Variants in ARAP1 observed in about 807,000 individuals in gnomAD.
ARAP1 encodes arf-GAP with Rho-GAP domain, ANK repeat and PH domain-containing protein 1.
In ARAP1, 76 loss-of-function variants were observed where a neutral mutation model predicts 172.2. That is an observed-to-expected ratio of 0.44 (90% CI 0.37 to 0.53). The LOEUF is 0.53. ARAP1 is among the 20% of genes least tolerant of loss of function. The pLI is 0.00. For missense variants in ARAP1, 1,686 were observed against 1,977.5 expected, an observed-to-expected ratio of 0.85 and a Z score of 2.80; for synonymous variants, 804 against 803.3, an observed-to-expected ratio of 1.00 and a Z score of -0.01.
chr11:72,713,399 T>G (rs1857123698), intron 4 of ARAP1, among the ~76,000 whole-genome samples, 156 bp from the exon 5 acceptor site: 1 of 152,036 alleles, frequency 6.6e-6, no homozygotes, highest in African/African-American at 2.4e-5. Flanking sequence ...GGAAGTGCGA[T>G]TTATACCCCC....
intron 13 of ARAP1, 53 bp downstream of exon 13, chr11:72,705,752 G>C (rs372446191): frequency 6.3e-7 from 1 of 1,590,354 alleles, no homozygotes; most frequent in Non-Finnish European, 8.6e-7. Context: ...GACCCAGACA[G>C]CTGTTGAATG....
At chr11:72,706,872 AG>A (rs945119688) in intron 12 of ARAP1, among the ~76,000 whole-genome samples, 9 of 152,116 alleles carry the variant, frequency 5.9e-5, no homozygotes, top group African/African-American at 1.7e-4. Flanking sequence ...CTGACATGAG[AG>A]GAACACCAGA....
intron 1 of ARAP1, among the ~76,000 whole-genome samples, chr11:72,746,950 G>A (rs1217898355): frequency 1.3e-5 from 2 of 152,226 alleles, no homozygotes; most frequent in Non-Finnish European, 2.9e-5. Context: ...GATGCCCAGG[G>A]TGGGGCAGTG....
At position 72,693,288 on chromosome 11, in the gene ARAP1, T is replaced by C. The variant is rs751583409; in HGVS notation, c.3954+37A>G. 4 of 1,606,390 alleles carry C rather than the reference T, an allele frequency of 2.5e-6. No homozygotes were observed. Among genetic ancestry groups the C allele is most frequent in the Middle Eastern group, 1.7e-4 (1 of 6,028 alleles). The stretch of plus-strand genomic sequence containing the variant: ...CTCTGAGCACATTCAGGTGTACAGG[T>C]GCCCACCCTGGGGCAGAACCCAGCG... On this transcript the variant is annotated intron_variant, in intron 29 of 34. Coordinates refer to ENST00000393609, the MANE Select transcript of ARAP1 (RefSeq NM_001040118.3). The surrounding 1 kb of genome is among the most constrained non-coding windows in gnomAD (Gnocchi z 4.6).
chr11:72,741,877 C>G lies in ARAP1; in HGVS notation c.-127-9280G>C, dbSNP rs1284130710. Among the ~76,000 whole-genome samples the G allele has an allele frequency of 1.3e-5, 2 of 152,132 alleles. No homozygotes were observed. The highest frequency in any genetic ancestry group is 2.9e-5 in the Non-Finnish European group (2 of 68,008). On this transcript the variant is annotated intron_variant, in intron 1 of 34. Coordinates refer to ENST00000393609, the MANE Select transcript of ARAP1 (RefSeq NM_001040118.3). This position sits in a 1 kb window ranked among gnomAD's most constrained non-coding sequence, Gnocchi z 4.5. Reference sequence around the variant, plus strand: ...CTCACTGGAAACCTAAAGCTCCTGCCCACCAAGGAGGAGGGACTTGGTGGG... The same window carrying G: ...CTCACTGGAAACCTAAAGCTCCTGCGCACCAAGGAGGAGGGACTTGGTGGG...
Position 72,707,275 on chromosome 11 carries a change from G to T in ARAP1, c.1623C>A (p.Ile541=). The T allele has an allele frequency of 6.2e-7, 1 of 1,613,556 alleles. No homozygotes were observed. The highest frequency in any genetic ancestry group is 8.5e-7 in the Non-Finnish European group (1 of 1,179,812). The change falls in exon 12 of 35, where the codon ATC becomes ATA. Residue 541 remains isoleucine, a synonymous_variant. Transcript: ENST00000393609. ...AGAACCTGTTGGGGGCTGCAGCCCA[G>T]ATGCGCTCGGCCACCTCCGAGGTAG... ...ALSTSEVAER[I]WAAAPNRFCA...
chr11:72,704,035 C>T, intron 14 of ARAP1, 117 bp downstream of exon 14: 2 of 1,363,548 alleles, frequency 1.5e-6, no homozygotes, highest in Middle Eastern at 4.3e-4. Flanking sequence ...TCAGTTTCCC[C>T]ATATGCCAAG....
chr11:72,694,891 T>C (rs1007208288), intron 27 of ARAP1, 89 bp downstream of exon 27: 2 of 1,121,234 alleles, frequency 1.8e-6, no homozygotes. Context: ...CCACCCATCC[T>C]CATGTGCAGG....
At chr11:72,708,388 C>G (rs959332903) in intron 11 of ARAP1, 3 of 152,310 alleles carry the variant, frequency 2.0e-5, no homozygotes, top group African/African-American at 7.2e-5. Flanking sequence ...GTGTAGAACA[C>G]TAAGTCTACC....
chr11:72,698,248 T>G (rs1291798784), intron 18 of ARAP1, 142 bp from the exon 19 acceptor site: 2 of 1,043,002 alleles, frequency 1.9e-6, no homozygotes, highest in African/African-American at 1.6e-5. Context: ...CCAAGCCCAG[T>G]GATGGAACTT....
chr11:72,724,267 A>G (rs1469711048), intron 3 of ARAP1, among the ~76,000 whole-genome samples: 4 of 152,012 alleles, frequency 2.6e-5, no homozygotes, highest in African/African-American at 4.8e-5. Context: ...GAGTACACAC[A>G]TGCACACGCA....
At chr11:72,712,847 G>GACAGACAC in intron 5 of ARAP1, 1 of 602,102 alleles carries the variant, frequency 1.7e-6, no homozygotes, top group Non-Finnish European at 3.0e-6. Context: ...ATGCAAGACA[G>GACAGACAC]ACAGACACGG....
intron 33 of ARAP1, 28 bp from the exon 34 acceptor site, chr11:72,686,219 C>G (rs750022568): frequency 1.3e-6 from 2 of 1,598,938 alleles, no homozygotes; most frequent in South Asian, 1.1e-5. Flanking sequence ...AGGGGCTGGG[C>G]TCAGCTTCAG....
chr11:72,745,186 T>C (rs113635541), intron 1 of ARAP1, among the ~76,000 whole-genome samples: 2 of 134,282 alleles, frequency 1.5e-5, no homozygotes, highest in Admixed American at 7.2e-5. Flanking sequence ...TTCTTTCTTT[T>C]TTTTTTTTTT....
At chr11:72,740,376 C>T (rs968762915) in intron 1 of ARAP1, among the ~76,000 whole-genome samples, 8 of 152,218 alleles carry the variant, frequency 5.3e-5, no homozygotes, top group East Asian at 1.9e-4. Flanking sequence ...TCAGGCCTCA[C>T]GCTAACTCCA....
chr11:72,738,514 A>G (rs777551542), intron 1 of ARAP1, among the ~76,000 whole-genome samples: 1 of 152,042 alleles, frequency 6.6e-6, no homozygotes, highest in Non-Finnish European at 1.5e-5. Context: ...TATGGGGAGC[A>G]AGGAGGGGAG....
In ARAP1 at chr11:72,699,310, T is replaced by C. The variant is rs1856365952; in HGVS notation, c.2438+107A>G. On this transcript the variant is annotated intron_variant, in intron 17 of 34. Coordinates refer to ENST00000393609, the MANE Select transcript of ARAP1 (RefSeq NM_001040118.3). The surrounding 1 kb of genome is among the most constrained non-coding windows in gnomAD (Gnocchi z 4.2). ...GCCCTTGTGCAGCCTCCGTTTGCTG[T>C]GTGACTCTGCGGAGGTCCTCCCCTT... The C allele has an allele frequency of 4.6e-6, 7 of 1,534,240 alleles. No individual in the cohort carries two copies. The South Asian group carries it at 7.3e-5, about 16-fold the overall frequency.
At chr11:72,721,019 G>A (rs886314581) in intron 3 of ARAP1, among the ~76,000 whole-genome samples, 1 of 152,148 alleles carries the variant, frequency 6.6e-6, no homozygotes, top group African/African-American at 2.4e-5. Context: ...GCAGCAGGAG[G>A]AAGTTCATCC....
intron 2 of ARAP1, among the ~76,000 whole-genome samples, chr11:72,728,392 G>C (rs1857762219): frequency 6.6e-6 from 1 of 152,064 alleles, no homozygotes. Context: ...ACCAGCCTGG[G>C]CAATACAGTG....
Sources: gnomAD v4.1 joint callset for allele counts (sites outside exome capture counted in the v4.1 genomes callset) on GRCh38, gnomAD v4.1.1 for gene constraint, Gnocchi (gnomAD v3.1) non-coding constraint, MANE v1.5 for transcripts, NCBI Gene and HGNC (gene_info 2026-07-23, HGNC 2026-07-21) for gene names.